Variants in FBXO11 observed in about 807,000 individuals in gnomAD.
FBXO11 encodes the protein F-box only protein 11.
Under a neutral mutation model 117.0 loss-of-function variants are expected in FBXO11, and 13 were observed. That is an observed-to-expected ratio of 0.11 (90% CI 0.07 to 0.18). FBXO11 has a LOEUF of 0.18. Among genes scored for constraint, FBXO11 ranks in the 10% least tolerant of loss-of-function variants. FBXO11 has a pLI of 1.00. For synonymous variants in FBXO11, 490 were observed against 380.5 expected, an observed-to-expected ratio of 1.29 and a Z score of -3.35; for missense variants, 767 against 1,164.4, an observed-to-expected ratio of 0.66 and a Z score of 4.97.
chr2:47,835,468 T>A (rs1159752168), intron 5 of FBXO11, among the ~76,000 whole-genome samples: 1 of 152,216 alleles, frequency 6.6e-6, no homozygotes, highest in African/African-American at 2.4e-5. Context: ...AATATTCTGT[T>A]GGTTGATAAA....
At chr2:47,843,517 T>C (rs73929244) in intron 1 of FBXO11, among the ~76,000 whole-genome samples, 2,276 of 152,250 alleles carry the variant, frequency 0.015, 44 homozygotes, top group African/African-American at 0.051. Context: ...TAACTATTTC[T>C]TCCTGGTGAA....
intron 1 of FBXO11, among the ~76,000 whole-genome samples, chr2:47,887,660 A>G (rs1000229528): frequency 2.6e-5 from 4 of 152,148 alleles, no homozygotes; most frequent in African/African-American, 7.2e-5. Flanking sequence ...CAGGAGTTCA[A>G]GGCCATTCTG....
intron 1 of FBXO11, among the ~76,000 whole-genome samples, chr2:47,880,735 T>G (rs1333548573): frequency 6.6e-6 from 1 of 152,224 alleles, no homozygotes; most frequent in Non-Finnish European, 1.5e-5. Flanking sequence ...TTATTGTTTT[T>G]TAGTATGAAC....
rs558961348 is a variant in FBXO11 at position 47,829,022 on chromosome 2, A to G, written c.1398+3327T>C. Among the ~76,000 whole-genome samples the G allele has an allele frequency of 3.3e-3, 487 of 147,196 alleles. 1 individual carries two copies. The highest frequency in any genetic ancestry group is 5.5e-3 in the Non-Finnish European group (370 of 67,012). ...CTCCACCTCCCACCTCCCCACTTCA[A>G]GTGATTCTCATGCCTCAACCTCCTG... On this transcript the variant is annotated intron_variant, in intron 11 of 22. Coordinates refer to ENST00000403359, the MANE Select transcript of FBXO11 (RefSeq NM_001190274.2).
At chr2:47,888,027 T>G (rs77129531) in intron 1 of FBXO11, among the ~76,000 whole-genome samples, 10,976 of 151,450 alleles carry the variant, frequency 0.072, 551 homozygotes, top group Non-Finnish European at 0.11. Context: ...AAAAAAAAAA[T>G]CCCTAAAAAA....
At chr2:47,820,653 C>T (rs1273808382) in intron 13 of FBXO11, among the ~76,000 whole-genome samples, 197 bp from the exon 14 acceptor site, 2 of 152,186 alleles carry the variant, frequency 1.3e-5, no homozygotes, top group African/African-American at 4.8e-5. Context: ...AGTTGTGGAG[C>T]CGAGCTGCCA....
At chr2:47,837,537 C>G (rs1388994301) in intron 4 of FBXO11, among the ~76,000 whole-genome samples, 1 of 152,026 alleles carries the variant, frequency 6.6e-6, no homozygotes, top group Non-Finnish European at 1.5e-5. Context: ...AAAACAACAA[C>G]AAAAACATAT....
chr2:47,818,755 A>G (rs755697468), intron 16 of FBXO11, 24 bp downstream of exon 16: 13 of 1,544,510 alleles, frequency 8.4e-6, no homozygotes, highest in Non-Finnish European at 1.0e-5. Context: ...CTCCCAAAAG[A>G]TAGCCAAATA....
At chr2:47,862,767 G>A (rs574305503) in intron 1 of FBXO11, among the ~76,000 whole-genome samples, 1 of 152,128 alleles carries the variant, frequency 6.6e-6, no homozygotes, top group South Asian at 2.1e-4. Flanking sequence ...CTTCAAAAAC[G>A]TTTTCAGCCG....
At chr2:47,868,589 T>A (rs1384430354) in intron 1 of FBXO11, among the ~76,000 whole-genome samples, 1 of 152,194 alleles carries the variant, frequency 6.6e-6, no homozygotes, top group Non-Finnish European at 1.5e-5. Flanking sequence ...CCACATTCCA[T>A]ATTTTTGTTT....
intron 16 of FBXO11, among the ~76,000 whole-genome samples, chr2:47,815,610 C>T (rs992477708): frequency 6.6e-6 from 1 of 152,170 alleles, no homozygotes; most frequent in Non-Finnish European, 1.5e-5. Context: ...TCACAGGTAA[C>T]TTGTGATCCA....
At chr2:47,851,692 C>T (rs544271442) in intron 1 of FBXO11, among the ~76,000 whole-genome samples, 3 of 152,214 alleles carry the variant, frequency 2.0e-5, no homozygotes, top group African/African-American at 7.2e-5. Flanking sequence ...ACACACAAAT[C>T]GTCATACGCA....
At position 47,813,775 on chromosome 2, in the gene FBXO11, G is replaced by T; in HGVS notation, c.2083+16C>A. On this transcript the variant is annotated intron_variant, in intron 17 of 22. Transcript: ENST00000403359. ...AAGTTTATTAACACAGAAAAAAGAT[G>T]ACAGATTAAACATACCAGAATTATA... The T allele has an allele frequency of 6.3e-7, 1 of 1,593,380 alleles. No homozygotes were observed. The highest frequency in any genetic ancestry group is 1.1e-5 in the South Asian group (1 of 90,592).
intron 1 of FBXO11, among the ~76,000 whole-genome samples, chr2:47,884,167 C>T (rs182739011): frequency 6.6e-6 from 1 of 152,014 alleles, no homozygotes; most frequent in East Asian, 1.9e-4. Flanking sequence ...TTCAGTGAGC[C>T]GAGATTGTGC....
intron 1 of FBXO11, among the ~76,000 whole-genome samples, chr2:47,869,754 T>G (rs1015496906): frequency 2.0e-5 from 3 of 152,238 alleles, no homozygotes; most frequent in Non-Finnish European, 4.4e-5. Flanking sequence ...CTCACGTGTT[T>G]TGCATCCTTT....
intron 1 of FBXO11, chr2:47,888,670 T>C (rs186812114): frequency 6.0e-5 from 59 of 983,802 alleles, no homozygotes; most frequent in Admixed American, 5.5e-4. Context: ...AATTTCCTGT[T>C]AGACAGTTTT....
chr2:47,850,268 G>A (rs917144209), intron 1 of FBXO11, among the ~76,000 whole-genome samples: 1 of 152,086 alleles, frequency 6.6e-6, no homozygotes, highest in East Asian at 1.9e-4. Context: ...TGAAGGTGGG[G>A]AAAAAAGATG....
rs1214631897 is a variant in FBXO11, at chr2:47,834,847, C to G, written c.742G>C (p.Gly248Arg). 1 of 1,613,580 alleles carries G rather than the reference C, an allele frequency of 6.2e-7. No homozygotes were observed. The highest frequency in any genetic ancestry group is 8.5e-7 in the Non-Finnish European group (1 of 1,179,766). ...QLYKGAHVKP[G>R]FAEHFYSNPA... is the part of the protein sequence containing the mutation. ...TTACTGTAGAAATGTTCAGCAAATC[C>G]TGGCTTTACATGTGCACCTTTATAC... Residue 248 changes from glycine to arginine, a missense_variant, in exon 6 of 23, where the codon GGA becomes CGA. Coordinates refer to ENST00000403359, the MANE Select transcript of FBXO11 (RefSeq NM_001190274.2).
intron 11 of FBXO11, among the ~76,000 whole-genome samples, chr2:47,828,238 C>T (rs1671911428): frequency 6.6e-6 from 1 of 152,216 alleles, no homozygotes. Context: ...GCCTCAACCT[C>T]CCGAAGTGCT....
Sources: gnomAD v4.1 joint callset for allele counts (sites outside exome capture counted in the v4.1 genomes callset) on GRCh38, gnomAD v4.1.1 for gene constraint, MANE v1.5 for transcripts, NCBI Gene and HGNC (gene_info 2026-07-23, HGNC 2026-07-21) for gene names.